Variants in MGAT4C observed in about 807,000 individuals in gnomAD.
MGAT4C encodes MGAT4 family member C, also known as alpha-1,3-mannosyl-glycoprotein 4-beta-N-acetylglucosaminyltransferase C.
MGAT4C carries 19 observed loss-of-function variants against 40.1 expected under a neutral mutation model. The observed-to-expected ratio is 0.47, with a 90% CI of 0.33 to 0.70. The LOEUF (loss-of-function observed/expected upper bound fraction) is 0.70. MGAT4C is among the 30% of genes least tolerant of loss of function. The probability of loss-of-function intolerance (pLI) is 0.02; values close to 1 mark genes in which losing one functional copy is unlikely to be tolerated. For missense variants in MGAT4C, 491 were observed against 563.2 expected, an observed-to-expected ratio of 0.87 and a Z score of 1.30; for synonymous variants, 181 against 187.1, an observed-to-expected ratio of 0.97 and a Z score of 0.27.
At chr12:86,088,075 ATACC>A (rs1023871205) in intron 1 of MGAT4C, among the ~76,000 whole-genome samples, 7 of 152,006 alleles carry the variant, frequency 4.6e-5, no homozygotes, top group African/African-American at 1.4e-4. Context: ...ATAACGCCAA[ATACC>A]TACAAACATC....
intron 4 of MGAT4C, among the ~76,000 whole-genome samples, chr12:86,321,816 G>T (rs1226535864): frequency 1.3e-5 from 2 of 152,096 alleles, no homozygotes; most frequent in African/African-American, 4.8e-5. Context: ...ACAGTGTGGA[G>T]ATTCCTCAGG....
intron 2 of MGAT4C, among the ~76,000 whole-genome samples, chr12:85,999,275 G>A (rs1887007092): frequency 6.6e-6 from 1 of 152,060 alleles, no homozygotes; most frequent in African/African-American, 2.4e-5. Context: ...AGATTTGGGT[G>A]GGGACACAGC....
At chr12:86,205,943 C>A (rs1950233507) in intron 1 of MGAT4C, among the ~76,000 whole-genome samples, 1 of 84,526 alleles carries the variant, frequency 1.2e-5, no homozygotes, top group South Asian at 6.7e-4. Context: ...ATTCAGCATG[C>A]TTCCACCAAA....
chr12:86,686,026 C>A (rs967327673), intron 2 of MGAT4C, among the ~76,000 whole-genome samples: 1 of 114,390 alleles, frequency 8.7e-6, no homozygotes, highest in Non-Finnish European at 1.9e-5. Flanking sequence ...CCATGCCTGG[C>A]TAATTTTATT....
At chr12:86,197,974 A>T (rs1046952953) in intron 1 of MGAT4C, among the ~76,000 whole-genome samples, 1 of 152,174 alleles carries the variant, frequency 6.6e-6, no homozygotes, top group Non-Finnish European at 1.5e-5. Flanking sequence ...AAAATATGTC[A>T]ATGAAAATAT....
chr12:86,581,493 G>C (rs991983138), intron 2 of MGAT4C, among the ~76,000 whole-genome samples: 7 of 151,344 alleles, frequency 4.6e-5, no homozygotes, highest in Non-Finnish European at 1.0e-4. Context: ...GAACATACAA[G>C]ATATACTAAC....
intron 1 of MGAT4C, among the ~76,000 whole-genome samples, chr12:86,157,140 C>G (rs2135787614): frequency 6.9e-6 from 1 of 144,890 alleles, no homozygotes; most frequent in South Asian, 2.2e-4. Flanking sequence ...TGAAAAAAAA[C>G]AGTTTACACA....
intron 1 of MGAT4C, among the ~76,000 whole-genome samples, chr12:86,153,016 A>G (rs1049336130): frequency 1.4e-4 from 22 of 152,148 alleles, no homozygotes; most frequent in African/African-American, 4.8e-4. Context: ...TGATAGTACA[A>G]ACTGTTACAT....
intron 2 of MGAT4C, among the ~76,000 whole-genome samples, chr12:86,018,655 G>C (rs1026427421): frequency 1.3e-5 from 2 of 152,206 alleles, no homozygotes; most frequent in East Asian, 1.9e-4. Flanking sequence ...ATACTGGTAA[G>C]AGCACATGTA....
At chr12:86,605,949 G>T (rs1170241243) in intron 2 of MGAT4C, among the ~76,000 whole-genome samples, 2 of 152,112 alleles carry the variant, frequency 1.3e-5, no homozygotes, top group Non-Finnish European at 2.9e-5. Context: ...AAGTTTAATT[G>T]ACTCACTGTT....
At chr12:86,789,838 C>T (rs1377733393) in intron 1 of MGAT4C, among the ~76,000 whole-genome samples, 1 of 152,092 alleles carries the variant, frequency 6.6e-6, no homozygotes, top group East Asian at 1.9e-4. Context: ...ATAACTGCAA[C>T]ACATAATATG....
chr12:86,543,005 T>G (rs7954522), intron 2 of MGAT4C, among the ~76,000 whole-genome samples: 4,335 of 152,230 alleles, frequency 0.028, 167 homozygotes, highest in African/African-American at 0.09. Flanking sequence ...CATTAATATA[T>G]TCCTAAGTCT....
intron 1 of MGAT4C, among the ~76,000 whole-genome samples, chr12:86,765,026 G>C (rs1045588391): frequency 6.6e-6 from 1 of 152,178 alleles, no homozygotes; most frequent in Admixed American, 6.5e-5. Flanking sequence ...GAATGACTTT[G>C]ACAAGTTGAG....
intron 2 of MGAT4C, among the ~76,000 whole-genome samples, chr12:86,707,036 T>G (rs543441165): frequency 6.6e-6 from 1 of 152,338 alleles, no homozygotes; most frequent in Non-Finnish European, 1.5e-5. Flanking sequence ...CCTTCTGCCA[T>G]GATGGTGGGG....
chr12:86,005,556 A>T (rs11117155), intron 2 of MGAT4C, among the ~76,000 whole-genome samples: 26,012 of 152,102 alleles, frequency 0.17, 2,997 homozygotes, highest in East Asian at 0.62. Flanking sequence ...TCTTAGCCTT[A>T]CAGATGAGTA....
intron 2 of MGAT4C, among the ~76,000 whole-genome samples, chr12:86,452,491 C>T (rs1481160855): frequency 6.6e-6 from 1 of 151,838 alleles, no homozygotes; most frequent in Admixed American, 6.6e-5. Flanking sequence ...TTTGTAGCAG[C>T]TATTTTCTTC....
intron 2 of MGAT4C, among the ~76,000 whole-genome samples, chr12:86,494,084 C>T (rs1293211983): frequency 6.6e-6 from 1 of 151,770 alleles, no homozygotes; most frequent in Non-Finnish European, 1.5e-5. Flanking sequence ...AGATGTAAAA[C>T]CTTTCATTCA....
chr12:86,148,630 CA>C (rs1418137060), intron 1 of MGAT4C, among the ~76,000 whole-genome samples: 1 of 152,160 alleles, frequency 6.6e-6, no homozygotes, highest in Non-Finnish European at 1.5e-5. Flanking sequence ...ATTCTCTAAA[CA>C]ATGCAATTAG....
intron 2 of MGAT4C, among the ~76,000 whole-genome samples, chr12:86,457,315 C>T (rs1331294616): frequency 6.6e-6 from 1 of 152,036 alleles, no homozygotes; most frequent in African/African-American, 2.4e-5. Flanking sequence ...AAGCACATAA[C>T]ATACAGAATT....
Sources: allele counts gnomAD v4.1 joint callset (sites outside exome capture counted in the v4.1 genomes callset), GRCh38; gene constraint gnomAD v4.1.1; transcripts MANE v1.5; gene names NCBI Gene and HGNC (gene_info 2026-07-23, HGNC 2026-07-21).